Variants in NSMCE1 observed in about 807,000 individuals in gnomAD.
The protein encoded by NSMCE1 is non-structural maintenance of chromosomes element 1 homolog.
A neutral mutation model predicts 29.6 loss-of-function variants in NSMCE1; 18 were observed. That is an observed-to-expected ratio of 0.61 (90% confidence interval 0.42 to 0.90). The LOEUF (loss-of-function observed/expected upper bound fraction) is 0.90. Among genes scored for constraint, NSMCE1 ranks in the 40% least tolerant of loss-of-function variants. NSMCE1 has a pLI of 0.00. For missense variants in NSMCE1, 314 were observed against 343.6 expected (o/e 0.91, Z 0.68); for synonymous variants, 124 against 133.4 (o/e 0.93, Z 0.49).
intron 5 of NSMCE1, among the ~76,000 whole-genome samples, chr16:27,231,829 G>A (rs1232662601): frequency 2.6e-5 from 4 of 152,122 alleles, no homozygotes; most frequent in Non-Finnish European, 5.9e-5. Context: ...CACTCTCAGG[G>A]TGTCCGACGT....
At chr16:27,238,563 T>C (rs1290654605) in intron 2 of NSMCE1, among the ~76,000 whole-genome samples, 1 of 151,942 alleles carries the variant, frequency 6.6e-6, no homozygotes, top group African/African-American at 2.4e-5. Flanking sequence ...TTTACAATTG[T>C]CTTTCTCTTA....
At position 27,235,220 on chromosome 16, in the gene NSMCE1, C is replaced by A; in HGVS notation, c.216G>T (p.Lys72Asn). The A allele has an allele frequency of 6.2e-7, 1 of 1,613,948 alleles. No individual in the cohort carries two copies. The highest frequency in any genetic ancestry group is 2.2e-5 in the East Asian group (1 of 44,874). ...SVLESLYIEIKRGVTEDDGRP... is the reference protein window; with the variant it reads ...SVLESLYIEINRGVTEDDGRP... ...TCCCATCATCTTCCGTGACTCCTCT[C>A]TTTATCTCAATATACAAGGACTCCA... The change falls in exon 3 of 8, where the codon AAG becomes AAT. Residue 72 changes from lysine to asparagine, a missense_variant. Transcript: ENST00000361439.
At chr16:27,226,898 C>T (rs2083703456) in intron 5 of NSMCE1, 62 bp from the exon 6 acceptor site, 6 of 1,021,248 alleles carry the variant, frequency 5.9e-6, no homozygotes, top group Non-Finnish European at 9.2e-6. Flanking sequence ...CACCACCTCT[C>T]TTCCCTCTGT....
At chr16:27,244,043 C>T (rs1009055166) in intron 2 of NSMCE1, among the ~76,000 whole-genome samples, 11 of 152,248 alleles carry the variant, frequency 7.2e-5, no homozygotes, top group Non-Finnish European at 1.6e-4. Context: ...CGCCCCACTT[C>T]TGGTTAGCTG....
intron 2 of NSMCE1, among the ~76,000 whole-genome samples, chr16:27,246,285 TCA>T (rs2083958007): frequency 6.6e-6 from 1 of 152,210 alleles, no homozygotes; most frequent in South Asian, 2.1e-4. Flanking sequence ...ATCTAAAACT[TCA>T]GACATTTTTA....
intron 2 of NSMCE1, among the ~76,000 whole-genome samples, chr16:27,236,489 GT>G (rs1309102435): frequency 2.0e-5 from 3 of 151,874 alleles, no homozygotes; most frequent in African/African-American, 7.3e-5. Flanking sequence ...TAGAGATGGG[GT>G]TTTACCATGT....
intron 1 of NSMCE1, 27 bp from the exon 2 acceptor site, chr16:27,257,608 C>G: frequency 6.4e-7 from 1 of 1,572,866 alleles, no homozygotes; most frequent in Non-Finnish European, 8.6e-7. Flanking sequence ...TGACACTAGT[C>G]AACCCCAAGC....
At chr16:27,247,692 C>T (rs12598841) in intron 2 of NSMCE1, among the ~76,000 whole-genome samples, 6,923 of 152,080 alleles carry the variant, frequency 0.046, 371 homozygotes, top group African/African-American at 0.12. Flanking sequence ...TTTGGGAGGC[C>T]GAGGTGGGCA....
chr16:27,263,990 T>C (rs1357519923), intron 1 of NSMCE1, among the ~76,000 whole-genome samples: 1 of 152,124 alleles, frequency 6.6e-6, no homozygotes, highest in Non-Finnish European at 1.5e-5. Flanking sequence ...AAAATTTACA[T>C]AGAAAACACA....
In NSMCE1 at chr16:27,232,197, C is replaced by A. The variant is rs1238201220; in HGVS notation, c.483+804G>T. ...GACCACCAAGTGAGGAAGCGGGGACCCGGCGTGAGTGCGTCCTCAACACAC... is the reference window on the plus strand; with the variant it reads ...GACCACCAAGTGAGGAAGCGGGGACACGGCGTGAGTGCGTCCTCAACACAC... On this transcript the variant is annotated intron_variant, in intron 5 of 7. Transcript: ENST00000361439. The surrounding 1 kb of genome is among the most constrained non-coding windows in gnomAD (Gnocchi z 4.5). 6.6e-6 allele frequency among the ~76,000 whole-genome samples: 1 copy of A among 152,194 alleles called. No homozygotes were observed. Among genetic ancestry groups the A allele is most frequent in the African/African-American group, 2.4e-5 (1 of 41,442 alleles).
intron 2 of NSMCE1, among the ~76,000 whole-genome samples, chr16:27,251,157 AAAATAT>A (rs1470870463): frequency 1.8e-5 from 1 of 55,266 alleles, no homozygotes; most frequent in Non-Finnish European, 3.9e-5. Context: ...TTAATTATTT[AAAATAT>A]ATATATATAT....
At chr16:27,255,956 A>G (rs1400434401) in intron 2 of NSMCE1, among the ~76,000 whole-genome samples, 1 of 152,198 alleles carries the variant, frequency 6.6e-6, no homozygotes, top group Non-Finnish European at 1.5e-5. Flanking sequence ...TGCACTCATG[A>G]AGTGTTTGCC....
At chr16:27,241,671 A>C (rs2083896042) in intron 2 of NSMCE1, 1 of 217,054 alleles carries the variant, frequency 4.6e-6, no homozygotes, top group Non-Finnish European at 9.9e-6. Flanking sequence ...AAGCATGGCC[A>C]GTGAACAATG....
At chr16:27,226,034 C>T (rs534758966) in intron 6 of NSMCE1, 188 bp from the exon 7 acceptor site, 227 of 644,042 alleles carry the variant, frequency 3.5e-4, no homozygotes, top group Admixed American at 5.1e-4. Flanking sequence ...CTGCTTGTTG[C>T]GGTGGGTTTT....
intron 2 of NSMCE1, among the ~76,000 whole-genome samples, chr16:27,255,816 T>G (rs552272215): frequency 6.6e-6 from 1 of 152,260 alleles, no homozygotes; most frequent in Admixed American, 6.5e-5. Context: ...CTGCAGAAAC[T>G]GCAGTGCTCC....
At chr16:27,260,409 T>C (rs1343284852) in intron 1 of NSMCE1, among the ~76,000 whole-genome samples, 3 of 151,472 alleles carry the variant, frequency 2.0e-5, no homozygotes, top group Non-Finnish European at 4.4e-5. Context: ...AGGGGAATAA[T>C]GTAATGAGAA....
intron 7 of NSMCE1, 95 bp downstream of exon 7, chr16:27,225,631 G>T: frequency 6.9e-7 from 1 of 1,453,476 alleles, no homozygotes; most frequent in Non-Finnish European, 9.4e-7. Flanking sequence ...ACACCCTGGA[G>T]CCCTTCAGGG....
At chr16:27,265,418 T>A (rs2084212992) in intron 1 of NSMCE1, among the ~76,000 whole-genome samples, 1 of 152,084 alleles carries the variant, frequency 6.6e-6, no homozygotes, top group Admixed American at 6.5e-5. Flanking sequence ...TCCACCCACC[T>A]CAGCCTCCCA....
intron 2 of NSMCE1, among the ~76,000 whole-genome samples, chr16:27,256,621 A>G (rs79513641): frequency 6.6e-6 from 1 of 152,334 alleles, no homozygotes; most frequent in Admixed American, 6.5e-5. Context: ...CAACTCAACA[A>G]TATCTGCCAA....
Sources: allele counts gnomAD v4.1 joint callset (sites outside exome capture counted in the v4.1 genomes callset), GRCh38; gene constraint gnomAD v4.1.1; non-coding constraint Gnocchi (gnomAD v3.1); transcripts MANE v1.5; gene names NCBI Gene and HGNC (gene_info 2026-07-23, HGNC 2026-07-21).